MYT1L: variants seen among roughly 807,000 people sequenced by gnomAD.
The protein encoded by MYT1L is myelin transcription factor 1 like, also known as myelin transcription factor 1-like protein.
A neutral mutation model predicts 126.7 loss-of-function variants in MYT1L; 12 were observed. That is an observed-to-expected ratio of 0.09 (90% CI 0.06 to 0.15). The LOEUF (loss-of-function observed/expected upper bound fraction) is 0.15. MYT1L is among the 10% of genes least tolerant of loss of function. The probability of loss-of-function intolerance (pLI) is 1.00; values close to 1 mark genes in which losing one functional copy is unlikely to be tolerated. For synonymous variants in MYT1L, 541 were observed against 604.2 expected, an observed-to-expected ratio of 0.90 and a Z score of 1.53; for missense variants, 979 against 1,585.2, an observed-to-expected ratio of 0.62 and a Z score of 6.49.
At chr2:2,236,105 A>T (rs1400711646) in intron 2 of MYT1L, among the ~76,000 whole-genome samples, 1 of 151,682 alleles carries the variant, frequency 6.6e-6, no homozygotes, top group Non-Finnish European at 1.5e-5. Flanking sequence ...AACCCAACCC[A>T]GTACATCCCA....
intron 5 of MYT1L, among the ~76,000 whole-genome samples, chr2:1,990,450 A>G (rs573970005): frequency 6.6e-6 from 1 of 152,322 alleles, no homozygotes; most frequent in South Asian, 2.1e-4. Flanking sequence ...TCAAGCACCA[A>G]GCTGTAACCC....
In MYT1L at chr2:2,059,912, G is replaced by A. The variant is rs2070164851; in HGVS notation, c.-303-5789C>T. Among the ~76,000 whole-genome samples the A allele has an allele frequency of 6.6e-6, 1 of 152,180 alleles. No homozygotes were observed. The highest frequency in any genetic ancestry group is 6.5e-5 in the Admixed American group (1 of 15,282). On this transcript the variant is annotated intron_variant, in intron 3 of 24. Coordinates refer to ENST00000647738, the MANE Select transcript of MYT1L (RefSeq NM_001303052.2). This position sits in a 1 kb window ranked among gnomAD's most constrained non-coding sequence, Gnocchi z 4.7. ...GTCAGAGAATTTAGCATACCATGCT[G>A]TAACTGTAGATCTCCTAAGCGGCAC...
chr2:2,047,192 ATTCAT>A (rs2068287743), intron 4 of MYT1L, among the ~76,000 whole-genome samples: 2 of 152,178 alleles, frequency 1.3e-5, no homozygotes, highest in Admixed American at 1.3e-4. Context: ...AGCAAGATTT[ATTCAT>A]TTCATTTCTG....
At chr2:2,038,672 T>A (rs2067166440) in intron 4 of MYT1L, among the ~76,000 whole-genome samples, 2 of 152,164 alleles carry the variant, frequency 1.3e-5, no homozygotes, top group South Asian at 4.1e-4. Context: ...GCTTAGAATT[T>A]TTTTTTTAGT....
chr2:1,887,616 G>A lies in MYT1L; in HGVS notation c.2521-7C>T. The A allele has an allele frequency of 6.2e-7, 1 of 1,613,906 alleles. No individual in the cohort carries two copies. Among genetic ancestry groups the A allele is most frequent in the Non-Finnish European group, 8.5e-7 (1 of 1,179,858 alleles). ...ATGGGTCCAAGTCTTCTGGCTGTGG[G>A]CAAAACACAGCTTCAGAGCCACACG... On this transcript the variant is annotated splice_polypyrimidine_tract_variant and splice_region_variant and intron_variant, in intron 16 of 24. Transcript: ENST00000647738. This position sits in a 1 kb window ranked among gnomAD's most constrained non-coding sequence, Gnocchi z 4.8.
At chr2:1,870,330 T>G (rs1305618939) in intron 18 of MYT1L, among the ~76,000 whole-genome samples, 1 of 152,152 alleles carries the variant, frequency 6.6e-6, no homozygotes, top group Non-Finnish European at 1.5e-5. Flanking sequence ...GATAGGTCTT[T>G]CCCTGGCATT....
At chr2:2,218,220 C>T (rs1302343990) in intron 2 of MYT1L, among the ~76,000 whole-genome samples, 1 of 152,084 alleles carries the variant, frequency 6.6e-6, no homozygotes, top group African/African-American at 2.4e-5. Flanking sequence ...TAGATATTTA[C>T]CCCAAAGAAA....
chr2:2,031,842 C>CG, intron 4 of MYT1L, among the ~76,000 whole-genome samples: 1 of 139,770 alleles, frequency 7.2e-6, no homozygotes, highest in South Asian at 2.4e-4. Context: ...ACACACACCC[C>CG]TCGCCAGTGC....
chr2:1,918,890 C>CTGAAA (rs2053201342), intron 10 of MYT1L, among the ~76,000 whole-genome samples: 1 of 152,128 alleles, frequency 6.6e-6, no homozygotes, highest in Admixed American at 6.5e-5. Context: ...ACTTTATTGC[C>CTGAAA]TTTTCAGTAA....
At chr2:1,994,184 G>C (rs1013968810) in intron 5 of MYT1L, among the ~76,000 whole-genome samples, 4 of 152,216 alleles carry the variant, frequency 2.6e-5, no homozygotes, top group Non-Finnish European at 5.9e-5. Context: ...TTCTCACTAA[G>C]CCTTGCATTT....
chr2:1,880,158 A>G (rs2047352625), intron 18 of MYT1L, among the ~76,000 whole-genome samples: 1 of 152,206 alleles, frequency 6.6e-6, no homozygotes, highest in Admixed American at 6.5e-5. Flanking sequence ...GCTTAAGGCA[A>G]ACAGATCAAT....
chr2:2,160,126 T>C (rs1322914568), intron 3 of MYT1L, among the ~76,000 whole-genome samples: 1 of 152,156 alleles, frequency 6.6e-6, no homozygotes, highest in Non-Finnish European at 1.5e-5. Context: ...GCCTCTCACA[T>C]AGCACATGAC....
intron 8 of MYT1L, among the ~76,000 whole-genome samples, chr2:1,950,611 CA>C: frequency 6.6e-6 from 1 of 152,058 alleles, no homozygotes; most frequent in South Asian, 2.1e-4. Flanking sequence ...GGATGTGGGA[CA>C]GGGAGGAGAC....
chr2:2,041,077 A>C (rs1464042078), intron 4 of MYT1L, among the ~76,000 whole-genome samples: 1 of 152,212 alleles, frequency 6.6e-6, no homozygotes, highest in Non-Finnish European at 1.5e-5. Context: ...ATTGCAAACT[A>C]CCTGACATTT....
At chr2:2,319,454 T>C (rs1438842056) in intron 1 of MYT1L, 1 of 152,166 alleles carries the variant, frequency 6.6e-6, no homozygotes, top group Admixed American at 6.5e-5. Context: ...TTAGAAACCA[T>C]GATGGATGAG....
chr2:2,140,432 CTTTTT>C (rs35297300), intron 3 of MYT1L, among the ~76,000 whole-genome samples: 147 of 112,950 alleles, frequency 1.3e-3, no homozygotes, highest in Middle Eastern at 5.4e-3. Flanking sequence ...CTTTCTTTTT[CTTTTT>C]TTTTTTTTTT....
At chr2:1,940,564 A>T (rs1305555374) in intron 9 of MYT1L, among the ~76,000 whole-genome samples, 2 of 148,796 alleles carry the variant, frequency 1.3e-5, no homozygotes, top group African/African-American at 4.9e-5. Flanking sequence ...CCCTGCCAGG[A>T]TGCTCAGTAA....
chr2:1,813,864 AGAAATAC>A (rs1457109261), intron 21 of MYT1L, among the ~76,000 whole-genome samples: 6 of 89,738 alleles, frequency 6.7e-5, no homozygotes, highest in Admixed American at 1.3e-4. Context: ...CGTCTGTACT[AGAAATAC>A]AAAAAATTAG....
At chr2:2,239,995 T>A (rs548321801) in intron 2 of MYT1L, among the ~76,000 whole-genome samples, 5 of 152,296 alleles carry the variant, frequency 3.3e-5, no homozygotes, top group African/African-American at 7.2e-5. Context: ...TGTCTCTTAC[T>A]CTTTTATCAA....
Sources: allele counts gnomAD v4.1 joint callset (sites outside exome capture counted in the v4.1 genomes callset), GRCh38; gene constraint gnomAD v4.1.1; non-coding constraint Gnocchi (gnomAD v3.1); transcripts MANE v1.5; gene names NCBI Gene and HGNC (gene_info 2026-07-23, HGNC 2026-07-21).